The following LINGO2 variants were observed in gnomAD, a reference collection of about 807,000 sequenced individuals.
LINGO2 encodes the protein leucine rich repeat and Ig domain containing 2, also known as leucine-rich repeat and immunoglobulin-like domain-containing nogo receptor-interacting protein 2.
A neutral mutation model predicts 30.6 loss-of-function variants in LINGO2; 14 were observed. The observed-to-expected ratio is 0.46, with a 90% CI of 0.30 to 0.72. The LOEUF (loss-of-function observed/expected upper bound fraction) is 0.72. Ranked by LOEUF, LINGO2 falls within the 30% of genes least tolerant of loss-of-function variation. The probability of loss-of-function intolerance (pLI) is 0.07; values close to 1 mark genes in which losing one functional copy is unlikely to be tolerated. For missense variants in LINGO2, 729 were observed against 751.7 expected, an observed-to-expected ratio of 0.97 and a Z score of 0.35; for synonymous variants, 317 against 288.5, an observed-to-expected ratio of 1.10 and a Z score of -1.00.
the LINGO2 span, among the ~76,000 whole-genome samples, chr9:29,108,851 A>T: frequency 6.6e-6 from 1 of 152,200 alleles, no homozygotes; most frequent in Non-Finnish European, 1.5e-5. Flanking sequence ...ATAAAAGCAA[A>T]TGGGCAAAAT....
At position 28,171,938 on chromosome 9, in the gene LINGO2, C is replaced by T. The variant is rs1181108219; in HGVS notation, c.-87+123270G>A. ...TTGGGAGGCTGAGGCAGGAGAATGG[C>T]GTTCAGGAGGCAGAGCTTGCAGTGA... On this transcript the variant is annotated intron_variant, in intron 4 of 5. Coordinates refer to ENST00000379992, the Ensembl canonical transcript of LINGO2. 1.4e-4 allele frequency among the ~76,000 whole-genome samples: 19 copies of T among 135,126 alleles called. 1 individual carries two copies. The highest frequency in any genetic ancestry group is 9.3e-4 in the Admixed American group (11 of 11,878). 88.6% of individuals were successfully genotyped at this position (135,126 alleles called of 152,430 possible). A position where few individuals can be genotyped will look rare whatever the true frequency, so the allele number is the denominator to read the frequency against.
the LINGO2 span, among the ~76,000 whole-genome samples, chr9:28,773,602 C>G: frequency 1.3e-5 from 2 of 152,040 alleles, no homozygotes; most frequent in Non-Finnish European, 2.9e-5. Flanking sequence ...ACCTGCATCT[C>G]TAAGCTTTTA....
At chr9:28,557,951 T>A (rs1587858621) in intron 1 of LINGO2, among the ~76,000 whole-genome samples, 1 of 131,368 alleles carries the variant, frequency 7.6e-6, no homozygotes, top group Admixed American at 9.3e-5. Flanking sequence ...AACAATGAGA[T>A]CACATGGACA....
intron 3 of LINGO2, among the ~76,000 whole-genome samples, chr9:28,299,752 G>C (rs1377104801): frequency 2.0e-5 from 3 of 152,028 alleles, no homozygotes; most frequent in Admixed American, 1.3e-4. Context: ...CTCAATTAAT[G>C]ATAAGTTCCT....
chr9:28,040,180 C>CA (rs1189114331), intron 4 of LINGO2, among the ~76,000 whole-genome samples: 2 of 152,076 alleles, frequency 1.3e-5, no homozygotes, highest in African/African-American at 4.8e-5. Context: ...CTGCTATTAG[C>CA]AAAACAGATT....
chr9:28,997,392 A>T, the LINGO2 span, among the ~76,000 whole-genome samples: 1 of 152,262 alleles, frequency 6.6e-6, no homozygotes, highest in East Asian at 1.9e-4. Flanking sequence ...AAATACTAGG[A>T]TAAGATTATG....
intron 1 of LINGO2, among the ~76,000 whole-genome samples, chr9:28,627,791 T>C (rs576483981): frequency 2.0e-5 from 3 of 152,132 alleles, no homozygotes; most frequent in African/African-American, 7.2e-5. Context: ...AATATGCACA[T>C]AATAATCCAT....
intron 2 of LINGO2, among the ~76,000 whole-genome samples, chr9:28,441,773 A>G (rs1229246081): frequency 6.6e-6 from 1 of 152,184 alleles, no homozygotes; most frequent in African/African-American, 2.4e-5. Flanking sequence ...ATAGTCAATT[A>G]TTCTTCCTTG....
chr9:28,804,564 C>CAAAAAA, the LINGO2 span, among the ~76,000 whole-genome samples: 1 of 127,748 alleles, frequency 7.8e-6, no homozygotes, highest in African/African-American at 2.6e-5. Context: ...AAAACAAAAA[C>CAAAAAA]AAAAAAAAAA....
intron 5 of LINGO2, 142 bp from the exon 7 acceptor site, chr9:27,950,848 C>T (rs1819270907): frequency 7.2e-6 from 3 of 418,312 alleles, no homozygotes; most frequent in African/African-American, 2.0e-5. Flanking sequence ...ACCTGATGGA[C>T]GACCCTCTTA....
intron 1 of LINGO2, among the ~76,000 whole-genome samples, chr9:28,549,430 G>A (rs1055153353): frequency 6.6e-6 from 1 of 151,974 alleles, no homozygotes; most frequent in Non-Finnish European, 1.5e-5. Flanking sequence ...TAAACATTGT[G>A]GTAGGGAGCT....
chr9:28,045,657 A>T (rs1824387571), intron 4 of LINGO2, among the ~76,000 whole-genome samples: 1 of 152,160 alleles, frequency 6.6e-6, no homozygotes, highest in Non-Finnish European at 1.5e-5. Context: ...GATATTTTTA[A>T]ACTTGGAATA....
chr9:28,569,136 CAA>C (rs1403213369), intron 1 of LINGO2, among the ~76,000 whole-genome samples: 2 of 151,996 alleles, frequency 1.3e-5, no homozygotes, highest in East Asian at 3.9e-4. Context: ...TGAAAAATAA[CAA>C]GAGTGTTTAT....
the LINGO2 span, among the ~76,000 whole-genome samples, chr9:28,803,129 G>T: frequency 1.3e-5 from 2 of 152,132 alleles, no homozygotes; most frequent in East Asian, 3.9e-4. Flanking sequence ...TTGTTATGGG[G>T]CTATGCAGAC....
At chr9:28,837,517 C>A in the LINGO2 span, among the ~76,000 whole-genome samples, 1 of 150,790 alleles carries the variant, frequency 6.6e-6, no homozygotes, top group South Asian at 2.1e-4. Flanking sequence ...TGGGGTGGTG[C>A]ATGCCTGTAA....
At chr9:28,623,105 G>T (rs1230344685) in intron 1 of LINGO2, among the ~76,000 whole-genome samples, 3 of 151,548 alleles carry the variant, frequency 2.0e-5, no homozygotes, top group Admixed American at 1.3e-4. Context: ...CTTTTCAGAT[G>T]CGTAGTTTGC....
intron 4 of LINGO2, among the ~76,000 whole-genome samples, chr9:28,036,943 T>C (rs1439361508): frequency 6.6e-6 from 1 of 152,122 alleles, no homozygotes; most frequent in Admixed American, 6.5e-5. Flanking sequence ...ACCATACAAA[T>C]GAGAAGTTGG....
At chr9:28,671,045 G>C (rs1440172470), upstream of LINGO2, among the ~76,000 whole-genome samples, 1 of 152,086 alleles carries the variant, frequency 6.6e-6, no homozygotes, top group Non-Finnish European at 1.5e-5. Context: ...AAGCAAGATA[G>C]ATGAGTATTT....
At chr9:28,478,768 A>G (rs564526674) in intron 1 of LINGO2, among the ~76,000 whole-genome samples, 1 of 152,186 alleles carries the variant, frequency 6.6e-6, no homozygotes, top group African/African-American at 2.4e-5. Context: ...GTAATTTGTC[A>G]ATAATTCTGA....
Sources: allele counts gnomAD v4.1 joint callset (sites outside exome capture counted in the v4.1 genomes callset), GRCh38; gene constraint gnomAD v4.1.1; transcripts MANE v1.5; gene names NCBI Gene and HGNC (gene_info 2026-07-23, HGNC 2026-07-21).